CLASP2: variants seen among roughly 807,000 people sequenced by gnomAD.
The protein encoded by CLASP2 is cytoplasmic linker associated protein 2.
CLASP2 carries 47 observed loss-of-function variants against 194.4 expected under a neutral mutation model. The observed-to-expected ratio is 0.24, with a 90% CI of 0.19 to 0.31. The LOEUF (loss-of-function observed/expected upper bound fraction) is 0.31, where lower values mean the gene tolerates loss of function less well. Ranked by LOEUF, CLASP2 falls within the 10% of genes least tolerant of loss-of-function variation. The pLI, the probability that CLASP2 is intolerant of heterozygous loss-of-function variation, is 1.00. For synonymous variants in CLASP2, 619 were observed against 633.5 expected (o/e 0.98, Z 0.34); for missense variants, 1,445 against 1,823.6 (o/e 0.79, Z 3.78).
rs759205342 is a variant in CLASP2, at chr3:33,608,550, G to A, written c.1448+17C>T. The stretch of plus-strand genomic sequence containing the variant: ...CAATGGGGAGGAAAGTGGGAGGAAG[G>A]AAGAGGGAATGCATACCTTTCCAAT... On this transcript the variant is annotated intron_variant, in intron 14 of 38. Transcript: ENST00000682230. The A allele has an allele frequency of 4.4e-6, 7 of 1,598,564 alleles. No individual in the cohort carries two copies. The highest frequency in any genetic ancestry group is 6.0e-6 in the Non-Finnish European group (7 of 1,168,638).
At chr3:33,611,230 CGCA>C (rs2075118569) in intron 13 of CLASP2, among the ~76,000 whole-genome samples, 1 of 152,168 alleles carries the variant, frequency 6.6e-6, no homozygotes, top group Admixed American at 6.5e-5. Flanking sequence ...AGGACATCTA[CGCA>C]GCAACTGCCT....
At chr3:33,539,393 G>A (rs994727760) in intron 32 of CLASP2, among the ~76,000 whole-genome samples, 6 of 151,900 alleles carry the variant, frequency 3.9e-5, no homozygotes, top group Non-Finnish European at 8.8e-5. Context: ...GGAATGTGAT[G>A]GCGTGATCTC....
At chr3:33,620,045 T>A (rs946561039) in intron 11 of CLASP2, among the ~76,000 whole-genome samples, 26 of 152,348 alleles carry the variant, frequency 1.7e-4, no homozygotes, top group Non-Finnish European at 3.4e-4. Context: ...GGTGAAATAA[T>A]CAGCTCTGAT....
chr3:33,535,739 C>T (rs12630868), intron 33 of CLASP2, among the ~76,000 whole-genome samples: 2 of 152,008 alleles, frequency 1.3e-5, no homozygotes, highest in African/African-American at 4.8e-5. Context: ...AACAACTTGA[C>T]CAGACAATAT....
chr3:33,685,089 G>A lies in CLASP2; in HGVS notation c.547-633C>T, dbSNP rs190680142. On this transcript the variant is annotated intron_variant, in intron 5 of 38. Coordinates refer to ENST00000682230, the MANE Select transcript of CLASP2 (RefSeq NM_001365631.1). ...GGCACGGTGGCTCATGCCTGTAATC[G>A]CAGCATGTTGGGAGACCAAGGCTGG... is the stretch of plus-strand genomic sequence containing the variant. 5.1e-3 allele frequency among the ~76,000 whole-genome samples: 760 copies of A among 150,188 alleles called. 3 individuals are homozygous for A. The highest frequency in any genetic ancestry group is 0.021 in the Middle Eastern group (6 of 288).
At chr3:33,586,051 G>A (rs1185577540) in intron 21 of CLASP2, among the ~76,000 whole-genome samples, 1 of 152,074 alleles carries the variant, frequency 6.6e-6, no homozygotes, top group African/African-American at 2.4e-5. Context: ...GCGCTCTTGG[G>A]TAGTGACATT....
rs369552604 is a variant in CLASP2, at chr3:33,501,701, A to G, written c.4385T>C (p.Val1462Ala). The G allele has an allele frequency of 1.2e-6, 2 of 1,613,680 alleles. No homozygotes were observed. The highest frequency in any genetic ancestry group is 1.7e-6 in the Non-Finnish European group (2 of 1,179,678). ...ATGTGGTTTTAGTTCATCACCAATTACCGCATGAACAGCCACCAGGCAGAA... is the reference window on the plus strand; with the variant it reads ...ATGTGGTTTTAGTTCATCACCAATTGCCGCATGAACAGCCACCAGGCAGAA... The part of the protein sequence containing the change: ...CVFCLVAVHA[V>A]IGDELKPHLS... The change falls in exon 38 of 39, where the codon GTA (valine) becomes GCA (alanine). Residue 1462 changes from valine (V) to alanine (A), a missense_variant. Around this residue, in one of 4 missense-constraint regions of CLASP2, gnomAD observed 732 missense variants for 987.9 expected, o/e 0.74. Transcript: ENST00000682230.
intron 1 of CLASP2, among the ~76,000 whole-genome samples, chr3:33,697,672 T>C (rs1482282285): frequency 6.6e-6 from 1 of 152,208 alleles, no homozygotes; most frequent in African/African-American, 2.4e-5. Context: ...GAATTTCATC[T>C]TCTGTCTGGG....
chr3:33,627,231 A>G, intron 9 of CLASP2, 151 bp from the exon 10 acceptor site: 1 of 652,410 alleles, frequency 1.5e-6, no homozygotes, highest in East Asian at 2.8e-5. Flanking sequence ...ATTATAGACA[A>G]TAATAACACA....
At chr3:33,557,315 T>C (rs1256600617) in intron 29 of CLASP2, among the ~76,000 whole-genome samples, 1 of 152,142 alleles carries the variant, frequency 6.6e-6, no homozygotes, top group Non-Finnish European at 1.5e-5. Context: ...TCATTTGCAC[T>C]GGTTCATGAA....
At position 33,632,284 on chromosome 3, in the gene CLASP2, A is replaced by G; in HGVS notation, c.942+8T>C. On this transcript the variant is annotated splice_region_variant and intron_variant, in intron 9 of 38. Coordinates refer to ENST00000682230, the MANE Select transcript of CLASP2 (RefSeq NM_001365631.1). The stretch of plus-strand genomic sequence containing the variant: ...AATATTCACGGGGAGTGCCACTGGT[A>G]GCCTTACCTGAATAGAAGGGACATC... 6.3e-7 allele frequency: 1 copy of G among 1,580,816 alleles called. No individual in the cohort carries two copies. The highest frequency in any genetic ancestry group is 1.2e-5 in the South Asian group (1 of 84,974).
intron 13 of CLASP2, 118 bp from the exon 14 acceptor site, chr3:33,608,744 CTTTT>C (rs766687478): frequency 0.011 from 1,794 of 158,814 alleles, no homozygotes; most frequent in South Asian, 0.021. Flanking sequence ...TTTTAGATAT[CTTTT>C]TTTTTTTTTT....
chr3:33,510,787 C>T (rs372871596), intron 36 of CLASP2, 23 bp from the exon 37 acceptor site: 16 of 1,566,640 alleles, frequency 1.0e-5, no homozygotes, highest in Middle Eastern at 1.7e-4. Context: ...GGAAATTAAG[C>T]CAGAAAGTAA....
At chr3:33,559,912 C>A (rs549172526) in intron 28 of CLASP2, among the ~76,000 whole-genome samples, 1 of 151,974 alleles carries the variant, frequency 6.6e-6, no homozygotes, top group Non-Finnish European at 1.5e-5. Context: ...AAAAAAGCAA[C>A]ACTATAGGAA....
chr3:33,597,601 T>C (rs1000600719), intron 18 of CLASP2, among the ~76,000 whole-genome samples: 1 of 152,014 alleles, frequency 6.6e-6, no homozygotes, highest in Non-Finnish European at 1.5e-5. Flanking sequence ...TTGTGGCTGG[T>C]TGTGCAAGCA....
intron 21 of CLASP2, among the ~76,000 whole-genome samples, chr3:33,591,526 G>C (rs1371023298): frequency 1.3e-5 from 2 of 151,692 alleles, no homozygotes; most frequent in South Asian, 4.2e-4. Context: ...TGGGAGGATT[G>C]CTTGAGCCCA....
chr3:33,539,507 G>GT (rs1171585519), intron 32 of CLASP2, among the ~76,000 whole-genome samples: 1 of 151,864 alleles, frequency 6.6e-6, no homozygotes, highest in Non-Finnish European at 1.5e-5. Flanking sequence ...GCTAATTTTT[G>GT]TATTTTTAGT....
In CLASP2 at chr3:33,570,694, T is replaced by C. The variant is rs779271375; in HGVS notation, c.2763+33A>G. 3.2e-5 allele frequency: 51 copies of C among 1,579,594 alleles called. No individual in the cohort carries two copies. The African/African-American group carries it at 4.6e-4, about 14-fold the overall frequency. ...TTGACAATATACAAATGATACCCTA[T>C]AGAAATAAATAATCTTAAATACTAA... On this transcript the variant is annotated intron_variant, in intron 26 of 38. Transcript: ENST00000682230.
At chr3:33,602,294 G>A in intron 18 of CLASP2, 1 of 491,900 alleles carries the variant, frequency 2.0e-6, no homozygotes, top group African/African-American at 1.9e-5. Flanking sequence ...GTGTCATGTT[G>A]GTGCTCAAAA....
Sources: gnomAD v4.1 joint callset for allele counts (sites outside exome capture counted in the v4.1 genomes callset) on GRCh38, gnomAD v4.1.1 for gene constraint, gnomAD v4.1.1 regional missense constraint, MANE v1.5 for transcripts, NCBI Gene and HGNC (gene_info 2026-07-23, HGNC 2026-07-21) for gene names.